ADGRL2: variants seen among roughly 807,000 people sequenced by gnomAD.
ADGRL2 encodes adhesion G protein-coupled receptor L2, also known as calcium-independent alpha-latrotoxin receptor 2.
A neutral mutation model predicts 157.4 loss-of-function variants in ADGRL2; 44 were observed. The observed-to-expected ratio is 0.28, with a 90% CI of 0.22 to 0.36. The LOEUF (loss-of-function observed/expected upper bound fraction) is 0.36. Among genes scored for constraint, ADGRL2 ranks in the 10% least tolerant of loss-of-function variants. The pLI is 1.00. For synonymous variants in ADGRL2, 585 were observed against 624.7 expected (o/e 0.94, Z 0.95); for missense variants, 1,510 against 1,768.9 (o/e 0.85, Z 2.63).
At chr1:81,540,217 T>C (rs1221361132) in intron 2 of ADGRL2, among the ~76,000 whole-genome samples, 1 of 152,222 alleles carries the variant, frequency 6.6e-6, no homozygotes, top group East Asian at 1.9e-4. Context: ...TTCCTAAAAA[T>C]TTTGCAATCT....
intron 2 of ADGRL2, among the ~76,000 whole-genome samples, chr1:81,541,872 C>T (rs1176458480): frequency 6.6e-6 from 1 of 151,864 alleles, no homozygotes; most frequent in Non-Finnish European, 1.5e-5. Context: ...GCAGGAGAAT[C>T]GCTTGAACCC....
intron 1 of ADGRL2, among the ~76,000 whole-genome samples, chr1:81,406,799 GA>G (rs918545063): frequency 6.6e-6 from 1 of 152,172 alleles, no homozygotes; most frequent in Non-Finnish European, 1.5e-5. Context: ...TCTGCGATAT[GA>G]AAAGGGGACT....
At chr1:81,459,346 C>A (rs2077873851) in intron 2 of ADGRL2, among the ~76,000 whole-genome samples, 1 of 152,040 alleles carries the variant, frequency 6.6e-6, no homozygotes, top group Non-Finnish European at 1.5e-5. Context: ...TCCTCCAAAC[C>A]CTGCCAACCA....
chr1:81,502,668 G>C (rs1437488726), intron 2 of ADGRL2: 6 of 1,613,684 alleles, frequency 3.7e-6, no homozygotes, highest in Non-Finnish European at 5.1e-6. Context: ...TCAGGACGCA[G>C]TACATGAAGT....
At chr1:81,547,829 A>C (rs1460008857) in intron 2 of ADGRL2, among the ~76,000 whole-genome samples, 1 of 152,186 alleles carries the variant, frequency 6.6e-6, no homozygotes, top group African/African-American at 2.4e-5. Context: ...GATTTAAGGG[A>C]TAAGTGTCAG....
intron 1 of ADGRL2, among the ~76,000 whole-genome samples, chr1:81,410,092 T>C (rs1247485374): frequency 2.0e-5 from 3 of 152,228 alleles, no homozygotes; most frequent in Non-Finnish European, 2.9e-5. Context: ...GATCTTTACA[T>C]GAAAGTCAGC....
Position 81,968,199 on chromosome 1 carries a change from A to G in ADGRL2, c.2523A>G (p.Ala841=). 6.2e-7 allele frequency: 1 copy of G among 1,611,278 alleles called. No individual in the cohort carries two copies. The highest frequency in any genetic ancestry group is 2.2e-5 in the East Asian group (1 of 44,868). The change falls in exon 14 of 24, where the codon GCA becomes GCG. Residue 841 remains alanine, a splice_region_variant and synonymous_variant. Coordinates refer to ENST00000686636, the MANE Select transcript of ADGRL2 (RefSeq NM_001366006.2). ...FAILMAHREI[A]YKDGVHELLL... ...TTCTCATGGCCCACAGGGAAATTGC[A>G]GTAAGTATTTGCACTTCTAATTAGT...
chr1:81,603,335 G>A (rs1476201591), intron 3 of ADGRL2, among the ~76,000 whole-genome samples: 2 of 152,114 alleles, frequency 1.3e-5, no homozygotes, highest in African/African-American at 4.8e-5. Flanking sequence ...CTAAAGAAGT[G>A]TATATGTGTA....
At chr1:81,976,906 AATTT>A (rs1660342852) in intron 17 of ADGRL2, among the ~76,000 whole-genome samples, 1 of 151,824 alleles carries the variant, frequency 6.6e-6, no homozygotes, top group Non-Finnish European at 1.5e-5. Flanking sequence ...TTTATATGTT[AATTT>A]ATTTATCTTC....
intron 17 of ADGRL2, among the ~76,000 whole-genome samples, chr1:81,975,727 G>C (rs923933151): frequency 3.3e-5 from 5 of 151,890 alleles, no homozygotes; most frequent in Admixed American, 3.3e-4. Context: ...AAGAAGAAAG[G>C]AACTCAGACT....
At chr1:81,735,674 CAGCTACCTGGGA>C (rs1430084005) in intron 1 of ADGRL2, among the ~76,000 whole-genome samples, 1 of 151,966 alleles carries the variant, frequency 6.6e-6, no homozygotes, top group Non-Finnish European at 1.5e-5. Flanking sequence ...CCTGTAATCC[CAGCTACCTGGGA>C]GGCTGAGGCA....
chr1:81,432,434 A>T (rs1363158605), intron 1 of ADGRL2, among the ~76,000 whole-genome samples: 1 of 152,146 alleles, frequency 6.6e-6, no homozygotes, highest in Admixed American at 6.5e-5. Context: ...ACAAAACAGG[A>T]TATTCTTGTT....
intron 1 of ADGRL2, among the ~76,000 whole-genome samples, chr1:81,350,635 AGTCTACCAACGTAAT>A (rs1662813412): frequency 6.6e-6 from 1 of 152,220 alleles, no homozygotes; most frequent in Non-Finnish European, 1.5e-5. Flanking sequence ...GTAGAAACAT[AGTCTACCAACGTAAT>A]GTCTTTCAGT....
chr1:81,490,141 T>C (rs2078599361), intron 2 of ADGRL2, among the ~76,000 whole-genome samples: 1 of 151,802 alleles, frequency 6.6e-6, no homozygotes, highest in South Asian at 2.1e-4. Context: ...TTTTTTTTTT[T>C]TTTTTTCGAG....
At chr1:81,637,882 G>T (rs753053892) in intron 3 of ADGRL2, among the ~76,000 whole-genome samples, 6 of 151,018 alleles carry the variant, frequency 4.0e-5, no homozygotes, top group Non-Finnish European at 8.8e-5. Context: ...CCAGTTTGTG[G>T]GCCTAAGAAA....
intron 2 of ADGRL2, among the ~76,000 whole-genome samples, chr1:81,459,737 CATAT>C (rs751682703): frequency 6.6e-6 from 1 of 150,714 alleles, no homozygotes; most frequent in African/African-American, 2.4e-5. Context: ...CATACACACA[CATAT>C]ATACACACAC....
chr1:81,742,949 A>G (rs1000679123), intron 1 of ADGRL2, among the ~76,000 whole-genome samples: 1 of 151,978 alleles, frequency 6.6e-6, no homozygotes, highest in African/African-American at 2.4e-5. Context: ...ACTAACACTT[A>G]TCTCTTCCAC....
intron 2 of ADGRL2, among the ~76,000 whole-genome samples, chr1:81,839,872 CATATATATATATTTTCCATCAT>C (rs2092473515): frequency 1.5e-5 from 2 of 130,206 alleles, no homozygotes; most frequent in Admixed American, 7.9e-5. Context: ...TATTTTCCAT[CATATATATATATTTTCCATCAT>C]ATATATATAT....
In ADGRL2 at chr1:81,561,757, G is replaced by A. The variant is rs2080448548; in HGVS notation, c.-247-19119G>A. 5.9e-5 allele frequency among the ~76,000 whole-genome samples: 9 copies of A among 151,944 alleles called. No homozygotes were observed. The South Asian group carries it at 1.9e-3, about 32-fold the overall frequency. Reference sequence around the variant, plus strand: ...TTATAGGTGTGAGCCACCACTCCTGGCCTTTTCTTTCAGTTTTAATCATTT... The same window carrying A: ...TTATAGGTGTGAGCCACCACTCCTGACCTTTTCTTTCAGTTTTAATCATTT... On this transcript the variant is annotated intron_variant, in intron 2 of 24. Transcript: ENST00000370721.
Sources: gnomAD v4.1 joint callset for allele counts (sites outside exome capture counted in the v4.1 genomes callset) on GRCh38, gnomAD v4.1.1 for gene constraint, MANE v1.5 for transcripts, NCBI Gene and HGNC (gene_info 2026-07-23, HGNC 2026-07-21) for gene names.